KAT6A: variants seen among roughly 807,000 people sequenced by gnomAD.
The protein encoded by KAT6A is histone acetyltransferase KAT6A.
KAT6A carries 9 observed loss-of-function variants against 198.4 expected under a neutral mutation model. That is an observed-to-expected ratio of 0.05 (90% CI 0.03 to 0.08). KAT6A has a LOEUF of 0.08. Among genes scored for constraint, KAT6A ranks in the 10% least tolerant of loss-of-function variants. The pLI, the probability that KAT6A is intolerant of heterozygous loss-of-function variation, is 1.00. For synonymous variants in KAT6A, 890 were observed against 883.0 expected (o/e 1.01, Z -0.14); for missense variants, 2,077 against 2,509.9 (o/e 0.83, Z 3.69).
intron 8 of KAT6A, among the ~76,000 whole-genome samples, chr8:41,961,386 C>T (rs1197908859): frequency 1.3e-5 from 2 of 152,316 alleles, no homozygotes; most frequent in East Asian, 1.9e-4. Context: ...CTATCTTCTG[C>T]ATCATCAGCT....
chr8:41,943,683 T>G (rs1286758549), intron 13 of KAT6A, 65 bp downstream of exon 13: 3 of 1,046,366 alleles, frequency 2.9e-6, no homozygotes, highest in African/African-American at 1.6e-5. Context: ...ATAATCTGAC[T>G]GGCTGATCCA....
chr8:42,001,041 C>T (rs534638327), intron 2 of KAT6A, among the ~76,000 whole-genome samples: 2 of 152,178 alleles, frequency 1.3e-5, no homozygotes, highest in South Asian at 2.1e-4. Flanking sequence ...AGGAAGGAGG[C>T]TTTACAGGTA....
chr8:41,947,105 T>C (rs1822434976), intron 11 of KAT6A, among the ~76,000 whole-genome samples: 2 of 152,250 alleles, frequency 1.3e-5, no homozygotes, highest in Admixed American at 1.3e-4. Context: ...AGCAGTCCTA[T>C]TAGTTGTATC....
At chr8:42,033,637 T>G (rs1258211142) in intron 2 of KAT6A, among the ~76,000 whole-genome samples, 3 of 152,160 alleles carry the variant, frequency 2.0e-5, no homozygotes, top group Non-Finnish European at 4.4e-5. Context: ...CAGACTTCCC[T>G]GACTTTTTCC....
intron 2 of KAT6A, among the ~76,000 whole-genome samples, chr8:42,009,786 G>T (rs147634650): frequency 1.3e-5 from 2 of 148,558 alleles, no homozygotes; most frequent in African/African-American, 5.0e-5. Context: ...TGTGGTCCCA[G>T]CTACATAAAA....
chr8:42,009,873 C>T lies in KAT6A; in HGVS notation c.601-22310G>A, dbSNP rs571239740. ...CATGATCACAGCACCTACAGCCTGG[C>T]GACAGGACAAAGCCCTGTCTCAAAA... On this transcript the variant is annotated intron_variant, in intron 2 of 16. Transcript: ENST00000265713. Among the ~76,000 whole-genome samples the T allele has an allele frequency of 5.9e-5, 7 of 119,100 alleles. No homozygotes were observed. The South Asian group carries it at 1.4e-3, about 24-fold the overall frequency. The allele number at this position is 119,100 out of a possible 152,430, so 78.1% of individuals were successfully genotyped here.
At position 41,932,160 on chromosome 8, in the gene KAT6A, CTTTA is replaced by C; in HGVS notation, c.*41_*44del. ...TCTGGTTTGTCAGTATAAAAGGTTC[CTTTA>C]TTTATATATATTTAAGTTTTTGATT... On this transcript the variant is annotated 3_prime_UTR_variant, in exon 17 of 17. Coordinates refer to ENST00000265713, the MANE Select transcript of KAT6A (RefSeq NM_006766.5). 1 of 1,436,286 alleles carries C rather than the reference CTTTA, an allele frequency of 7.0e-7. No individual in the cohort carries two copies. The allele number at this position is 1,436,286 out of a possible 1,614,324, so 89.0% of individuals were successfully genotyped here. A position where few individuals can be genotyped will look rare whatever the true frequency, so the allele number is the denominator to read the frequency against.
chr8:42,005,686 C>G (rs1212034176), intron 2 of KAT6A, among the ~76,000 whole-genome samples: 2 of 152,042 alleles, frequency 1.3e-5, no homozygotes, highest in South Asian at 2.1e-4. Context: ...GCTGCCAGCC[C>G]TTCCACACAT....
intron 2 of KAT6A, among the ~76,000 whole-genome samples, chr8:42,027,346 T>C (rs1448801847): frequency 1.3e-5 from 2 of 152,208 alleles, no homozygotes; most frequent in Non-Finnish European, 1.5e-5. Flanking sequence ...TTGGAATAGT[T>C]TGAGAAAAAC....
intron 2 of KAT6A, among the ~76,000 whole-genome samples, chr8:42,047,490 T>C (rs1341554969): frequency 6.6e-6 from 1 of 152,192 alleles, no homozygotes; most frequent in Non-Finnish European, 1.5e-5. Context: ...CATAGCTCAC[T>C]GGAGCCTCAG....
intron 8 of KAT6A, among the ~76,000 whole-genome samples, chr8:41,972,198 T>TAAAC (rs201322523): frequency 6.6e-6 from 1 of 152,022 alleles, no homozygotes; most frequent in Non-Finnish European, 1.5e-5. Context: ...AATAAACAAA[T>TAAAC]AGGAAGAAGA....
intron 15 of KAT6A, among the ~76,000 whole-genome samples, chr8:41,939,910 C>T (rs1275361690): frequency 2.0e-5 from 3 of 152,182 alleles, no homozygotes; most frequent in Non-Finnish European, 2.9e-5. Context: ...ACCACACCAA[C>T]GCAAGGGATT....
chr8:42,004,163 C>T (rs983408102), intron 2 of KAT6A, among the ~76,000 whole-genome samples: 4 of 152,126 alleles, frequency 2.6e-5, no homozygotes, highest in East Asian at 3.8e-4. Flanking sequence ...TAGCTCCCTG[C>T]TGCTGGGTCT....
Position 41,933,106 on chromosome 8 carries a change from C to T in KAT6A, c.5114G>A (p.Cys1705Tyr). ...PPQQQPPLSQ[C>Y]SMNNSFTPAP... is the part of the protein sequence containing the mutation. ...TGGGGTGAAACTGTTATTCATACTACACTGTGACAGCGGGGGCTGCTGCTG... is the reference window on the plus strand; with the variant it reads ...TGGGGTGAAACTGTTATTCATACTATACTGTGACAGCGGGGGCTGCTGCTG... Residue 1705 changes from cysteine (C) to tyrosine (Y), a missense_variant, in exon 17 of 17, where the codon TGT becomes TAT. Coordinates refer to ENST00000265713, the MANE Select transcript of KAT6A (RefSeq NM_006766.5). This position sits in a 1 kb window ranked among gnomAD's most constrained non-coding sequence, Gnocchi z 6.2. 6.2e-7 allele frequency: 1 copy of T among 1,607,482 alleles called. No individual in the cohort carries two copies. Among genetic ancestry groups the T allele is most frequent in the Non-Finnish European group, 8.5e-7 (1 of 1,177,532 alleles).
At chr8:42,006,140 A>T (rs1825733779) in intron 2 of KAT6A, among the ~76,000 whole-genome samples, 2 of 152,364 alleles carry the variant, frequency 1.3e-5, no homozygotes, top group Middle Eastern at 3.4e-3. Flanking sequence ...GACTAGGAGG[A>T]ATAAAAACGA....
chr8:42,039,701 A>G (rs1050476828), intron 2 of KAT6A, among the ~76,000 whole-genome samples: 3 of 152,182 alleles, frequency 2.0e-5, no homozygotes, highest in African/African-American at 7.2e-5. Flanking sequence ...TTGGTTTTCT[A>G]TAAGACATAA....
chr8:41,988,269 A>C (rs1824727522), intron 2 of KAT6A, among the ~76,000 whole-genome samples: 1 of 152,220 alleles, frequency 6.6e-6, no homozygotes, highest in Non-Finnish European at 1.5e-5. Context: ...TAAAGCACAT[A>C]GCTTCTGCTA....
intron 2 of KAT6A, among the ~76,000 whole-genome samples, chr8:42,042,840 A>C (rs1408952743): frequency 6.6e-6 from 1 of 152,230 alleles, no homozygotes; most frequent in Non-Finnish European, 1.5e-5. Flanking sequence ...TACAGAACAC[A>C]AACTATATAT....
chr8:42,017,131 TTATC>T (rs1284936892), intron 2 of KAT6A, among the ~76,000 whole-genome samples: 5 of 152,186 alleles, frequency 3.3e-5, no homozygotes. Context: ...TGAGGACAGA[TTATC>T]TATGTATCTC....
Sources: gnomAD v4.1 joint callset for allele counts (sites outside exome capture counted in the v4.1 genomes callset) on GRCh38, gnomAD v4.1.1 for gene constraint, Gnocchi (gnomAD v3.1) non-coding constraint, MANE v1.5 for transcripts, NCBI Gene and HGNC (gene_info 2026-07-23, HGNC 2026-07-21) for gene names.